The following INSL6 variants were observed in gnomAD, a reference collection of about 807,000 sequenced individuals.
INSL6 encodes insulin-like peptide INSL6.
In INSL6, 16 loss-of-function variants were observed where a neutral mutation model predicts 9.4. The ratio of observed to expected loss-of-function variants is 1.70; its 90% CI spans 1.15 to 2.59. INSL6 has a LOEUF of 2.59. Among genes scored for constraint, INSL6 ranks in the 30% most tolerant of loss-of-function variants. The probability of loss-of-function intolerance (pLI) is 0.00; values close to 1 mark genes in which losing one functional copy is unlikely to be tolerated. For synonymous variants in INSL6, 154 were observed against 96.9 expected (o/e 1.59, Z -3.46); for missense variants, 391 against 257.3 (o/e 1.52, Z -3.56).
chr9:5,164,294 CT>C, intron 1 of INSL6, 29 bp from the exon 2 acceptor site: 1 of 1,406,620 alleles, frequency 7.1e-7, no homozygotes, highest in Non-Finnish European at 9.9e-7. Flanking sequence ...ATAAATGCTC[CT>C]TTATTAAAAT....
At chr9:5,067,101 A>G in the INSL6 span, among the ~76,000 whole-genome samples, 3 of 152,220 alleles carry the variant, frequency 2.0e-5, no homozygotes, top group Admixed American at 6.5e-5. Flanking sequence ...TTTGTTTGCA[A>G]AACTGGAAAT....
downstream of INSL6, among the ~76,000 whole-genome samples, chr9:5,163,430 C>G (rs568739142): frequency 4.3e-4 from 66 of 152,228 alleles, 2 homozygotes; most frequent in South Asian, 0.014. Flanking sequence ...TATAATAAAA[C>G]TCAAGGAATT....
At chr9:5,114,621 C>G in the INSL6 span, 10 of 485,296 alleles carry the variant, frequency 2.1e-5, no homozygotes, top group South Asian at 1.6e-4. Flanking sequence ...GGTGCAGCTC[C>G]CGGACACTTG....
At chr9:5,106,466 T>C in the INSL6 span, among the ~76,000 whole-genome samples, 3 of 152,148 alleles carry the variant, frequency 2.0e-5, no homozygotes, top group Non-Finnish European at 4.4e-5. Context: ...TGTAAACTAG[T>C]TCAACCACTG....
chr9:5,103,564 T>G, the INSL6 span, among the ~76,000 whole-genome samples: 1 of 152,094 alleles, frequency 6.6e-6, no homozygotes, highest in Non-Finnish European at 1.5e-5. Flanking sequence ...CTCTGCACCA[T>G]GTGAACCTAA....
chr9:5,168,873 C>CCT (rs1370300580), intron 1 of INSL6, among the ~76,000 whole-genome samples: 2 of 151,792 alleles, frequency 1.3e-5, no homozygotes, highest in African/African-American at 4.8e-5. Context: ...TAACAGCAGG[C>CCT]CTCTCAGTGG....
intron 2 of INSL6, among the ~76,000 whole-genome samples, chr9:5,149,748 A>G (rs760679537): frequency 6.6e-6 from 1 of 152,200 alleles, no homozygotes; most frequent in Admixed American, 6.5e-5. Flanking sequence ...TAAAATTCAC[A>G]AGGAACCAAA....
chr9:5,169,793 G>T (rs1396823250), intron 1 of INSL6, among the ~76,000 whole-genome samples: 1 of 152,110 alleles, frequency 6.6e-6, no homozygotes, highest in Non-Finnish European at 1.5e-5. Context: ...TGGTAAACAG[G>T]TCAATTCAAT....
the INSL6 span, chr9:5,064,969 T>C: frequency 1.9e-6 from 3 of 1,609,358 alleles, no homozygotes; most frequent in Non-Finnish European, 1.7e-6. Context: ...ATGCACATCA[T>C]TACCTCTGTA....
At chr9:5,077,841 GA>G in the INSL6 span, among the ~76,000 whole-genome samples, 1 of 152,144 alleles carries the variant, frequency 6.6e-6, no homozygotes, top group Non-Finnish European at 1.5e-5. Context: ...TTTGGATTTA[GA>G]AAATTCAACC....
chr9:5,055,056 T>G, the INSL6 span, among the ~76,000 whole-genome samples: 1 of 152,034 alleles, frequency 6.6e-6, no homozygotes, highest in Non-Finnish European at 1.5e-5. Flanking sequence ...CCTACTATTC[T>G]TAAATGGTTT....
At chr9:5,009,827 G>A in the INSL6 span, among the ~76,000 whole-genome samples, 1 of 151,754 alleles carries the variant, frequency 6.6e-6, no homozygotes, top group East Asian at 1.9e-4. Context: ...CTGGAGTGAA[G>A]TGGTGCCAAC....
At chr9:5,025,286 G>A in the INSL6 span, among the ~76,000 whole-genome samples, 3 of 152,106 alleles carry the variant, frequency 2.0e-5, no homozygotes, top group Non-Finnish European at 2.9e-5. Flanking sequence ...CCTTGGTATC[G>A]TAGTCAAACT....
chr9:5,119,803 A>G (rs1823475632), downstream of INSL6, among the ~76,000 whole-genome samples: 1 of 152,200 alleles, frequency 6.6e-6, no homozygotes, highest in South Asian at 2.1e-4. Flanking sequence ...CTTAATGAAC[A>G]CAAAAAATAT....
chr9:5,096,264 G>C, the INSL6 span, among the ~76,000 whole-genome samples: 2 of 152,010 alleles, frequency 1.3e-5, no homozygotes, highest in Non-Finnish European at 2.9e-5. Context: ...TTATAACTTA[G>C]AAATTTAGGT....
intron 1 of INSL6, among the ~76,000 whole-genome samples, chr9:5,176,430 T>C (rs552808950): frequency 3.2e-4 from 48 of 152,358 alleles, no homozygotes; most frequent in Non-Finnish European, 4.7e-4. Flanking sequence ...GATCTTTGTC[T>C]GTTTTGTCCA....
At chr9:5,004,509 T>C in the INSL6 span, among the ~76,000 whole-genome samples, 2 of 152,234 alleles carry the variant, frequency 1.3e-5, no homozygotes, top group African/African-American at 2.4e-5. Context: ...TGTGTACATA[T>C]GCTGTATTTT....
chr9:5,143,080 C>G (rs921863158), intron 2 of INSL6, among the ~76,000 whole-genome samples: 2 of 152,110 alleles, frequency 1.3e-5, no homozygotes, highest in Non-Finnish European at 2.9e-5. Flanking sequence ...TGATGTGCTG[C>G]TGGATTCCGT....
chr9:5,157,638 A>T (rs1375243849), intron 2 of INSL6, among the ~76,000 whole-genome samples: 2 of 152,232 alleles, frequency 1.3e-5, no homozygotes, highest in African/African-American at 4.8e-5. Flanking sequence ...AATGTAGGGG[A>T]AAATCTTAAG....
Sources: allele counts gnomAD v4.1 joint callset (sites outside exome capture counted in the v4.1 genomes callset), GRCh38; gene constraint gnomAD v4.1.1; transcripts MANE v1.5; gene names NCBI Gene and HGNC (gene_info 2026-07-23, HGNC 2026-07-21).